ASCC3: variants seen among roughly 807,000 people sequenced by gnomAD.
The protein encoded by ASCC3 is ASC-1 complex subunit P200.
In ASCC3, 158 loss-of-function variants were observed where a neutral mutation model predicts 256.3. The ratio of observed to expected loss-of-function variants is 0.62; its 90% CI spans 0.54 to 0.70. ASCC3 has a LOEUF of 0.70. Among genes scored for constraint, ASCC3 ranks in the 30% least tolerant of loss-of-function variants. The pLI is 0.00. For missense variants in ASCC3, 2,259 were observed against 2,626.0 expected (o/e 0.86, Z 3.05); for synonymous variants, 948 against 883.4 (o/e 1.07, Z -1.30).
intron 4 of ASCC3, among the ~76,000 whole-genome samples, chr6:100,814,706 T>TA (rs1770656412): frequency 6.6e-6 from 1 of 152,186 alleles, no homozygotes; most frequent in Non-Finnish European, 1.5e-5. Context: ...CCTTTTCTTC[T>TA]AAATTTTCTA....
intron 13 of ASCC3, among the ~76,000 whole-genome samples, chr6:100,698,872 C>T (rs528763933): frequency 2.0e-5 from 3 of 151,712 alleles, no homozygotes; most frequent in East Asian, 1.9e-4. Flanking sequence ...AGTTGTTTTG[C>T]CCCCCTGATC....
chr6:100,808,622 T>C (rs1770306673), intron 4 of ASCC3, among the ~76,000 whole-genome samples: 1 of 151,922 alleles, frequency 6.6e-6, no homozygotes, highest in Admixed American at 6.6e-5. Flanking sequence ...TAATGATACT[T>C]TTCTTTCTAT....
chr6:100,529,396 T>C (rs1229356259), intron 37 of ASCC3, among the ~76,000 whole-genome samples: 1 of 152,156 alleles, frequency 6.6e-6, no homozygotes, highest in Non-Finnish European at 1.5e-5. Flanking sequence ...GCATAAGCAG[T>C]TGATACAAAA....
At chr6:100,608,097 C>CACATATATATGTATATATGTATATAT (rs1773028902) in intron 30 of ASCC3, among the ~76,000 whole-genome samples, 1 of 45,026 alleles carries the variant, frequency 2.2e-5, no homozygotes, top group Admixed American at 3.3e-4. Flanking sequence ...TATCTATATA[C>CACATATATATGTATATATGTATATAT]ACATATATAT....
rs192814324 is a variant in ASCC3 at position 100,756,384 on chromosome 6, T to A, written c.1737+10181A>T. ...ATTTAATTTAACTTAAGTAATTCAG[T>A]AAAAGCTTGCAAGTGCGAGACTTAT... On this transcript the variant is annotated intron_variant, in intron 10 of 41. Transcript: ENST00000369162. Among the ~76,000 whole-genome samples the A allele has an allele frequency of 2.5e-3, 379 of 152,194 alleles. 1 individual carries two copies. The highest frequency in any genetic ancestry group is 8.3e-3 in the African/African-American group (346 of 41,554).
intron 4 of ASCC3, among the ~76,000 whole-genome samples, chr6:100,824,525 T>C (rs1771203211): frequency 1.3e-5 from 2 of 152,196 alleles, no homozygotes; most frequent in African/African-American, 4.8e-5. Context: ...GCCTTTTGGC[T>C]AAGATCAAGA....
chr6:100,781,840 A>T (rs1283575730), intron 8 of ASCC3, among the ~76,000 whole-genome samples: 1 of 152,072 alleles, frequency 6.6e-6, no homozygotes, highest in Non-Finnish European at 1.5e-5. Context: ...CAAATTATGT[A>T]TTACATAAGA....
At chr6:100,813,158 A>T (rs1186896949) in intron 4 of ASCC3, among the ~76,000 whole-genome samples, 2 of 152,140 alleles carry the variant, frequency 1.3e-5, no homozygotes, top group African/African-American at 4.8e-5. Context: ...AGGAAGCTTA[A>T]CAAATTCCAA....
intron 4 of ASCC3, among the ~76,000 whole-genome samples, chr6:100,826,829 T>A (rs1235974844): frequency 6.6e-6 from 1 of 152,232 alleles, no homozygotes; most frequent in East Asian, 1.9e-4. Flanking sequence ...CTAAACTGTA[T>A]TTTACCAGTC....
intron 30 of ASCC3, among the ~76,000 whole-genome samples, chr6:100,622,786 G>C (rs1323537815): frequency 6.6e-6 from 1 of 151,836 alleles, no homozygotes; most frequent in Non-Finnish European, 1.5e-5. Context: ...TTTCTACCTA[G>C]CCTTGTGGAT....
intron 2 of ASCC3, among the ~76,000 whole-genome samples, chr6:100,866,485 C>T (rs185907724): frequency 2.0e-5 from 3 of 152,174 alleles, no homozygotes; most frequent in Admixed American, 6.5e-5. Context: ...AGAATCCGTA[C>T]GTTATTGGCT....
At chr6:100,878,793 ACAG>A (rs1202755006) in intron 1 of ASCC3, among the ~76,000 whole-genome samples, 2 of 152,192 alleles carry the variant, frequency 1.3e-5, no homozygotes, top group Non-Finnish European at 2.9e-5. Flanking sequence ...AACCATCAAC[ACAG>A]AAGATGTCTG....
chr6:100,567,791 C>A (rs1383417187), intron 36 of ASCC3, among the ~76,000 whole-genome samples: 1 of 152,068 alleles, frequency 6.6e-6, no homozygotes, highest in African/African-American at 2.4e-5. Context: ...TTTATCCAAT[C>A]CACTGTTCAT....
At chr6:100,774,428 C>G (rs914299772) in intron 8 of ASCC3, among the ~76,000 whole-genome samples, 1 of 151,986 alleles carries the variant, frequency 6.6e-6, no homozygotes, top group Non-Finnish European at 1.5e-5. Context: ...TGCAATGGCA[C>G]TATCTTGGCT....
chr6:100,597,664 T>C (rs546260965), intron 34 of ASCC3, among the ~76,000 whole-genome samples: 33 of 151,634 alleles, frequency 2.2e-4, no homozygotes, highest in Non-Finnish European at 4.1e-4. Flanking sequence ...ACACATGAAA[T>C]ATGAATGGTC....
intron 8 of ASCC3, among the ~76,000 whole-genome samples, chr6:100,784,119 T>C (rs562495218): frequency 2.6e-5 from 4 of 152,174 alleles, no homozygotes; most frequent in Non-Finnish European, 5.9e-5. Flanking sequence ...ACACTTTTAT[T>C]TTTAAGGTAA....
chr6:100,801,935 A>C (rs1769936128), intron 5 of ASCC3, among the ~76,000 whole-genome samples: 1 of 149,346 alleles, frequency 6.7e-6, no homozygotes, highest in African/African-American at 2.5e-5. Context: ...TTTTAAGCGT[A>C]AAACTGTAAA....
intron 37 of ASCC3, among the ~76,000 whole-genome samples, chr6:100,537,886 A>C (rs1206394712): frequency 6.7e-6 from 1 of 150,200 alleles, no homozygotes; most frequent in Non-Finnish European, 1.5e-5. Flanking sequence ...ATATAAGGAT[A>C]TATATAGATA....
chr6:100,751,480 G>A (rs1021436801), intron 10 of ASCC3, among the ~76,000 whole-genome samples: 4 of 151,802 alleles, frequency 2.6e-5, no homozygotes, highest in African/African-American at 9.7e-5. Flanking sequence ...GCAGTGCTAT[G>A]CTTCTGGCTT....
Sources: allele counts gnomAD v4.1 joint callset (sites outside exome capture counted in the v4.1 genomes callset), GRCh38; gene constraint gnomAD v4.1.1; transcripts MANE v1.5; gene names NCBI Gene and HGNC (gene_info 2026-07-23, HGNC 2026-07-21).